Variants in PI4KB observed in about 807,000 individuals in gnomAD.
The protein encoded by PI4KB is PtdIns 4-kinase beta.
Under a neutral mutation model 81.4 loss-of-function variants are expected in PI4KB, and 23 were observed. That is an observed-to-expected ratio of 0.28 (90% confidence interval 0.20 to 0.40). The LOEUF is 0.40. Among genes scored for constraint, PI4KB ranks in the 10% least tolerant of loss-of-function variants. The pLI, the probability that PI4KB is intolerant of heterozygous loss-of-function variation, is 1.00. For synonymous variants in PI4KB, 381 were observed against 406.8 expected, an observed-to-expected ratio of 0.94 and a Z score of 0.76; for missense variants, 651 against 1,036.6, an observed-to-expected ratio of 0.63 and a Z score of 5.11.
At chr1:151,324,958 G>C (rs1649399850) in intron 1 of PI4KB, 5 of 911,194 alleles carry the variant, frequency 5.5e-6, no homozygotes, top group Non-Finnish European at 5.2e-6. Flanking sequence ...TATGATTTCT[G>C]GTTGGGGATG....
chr1:151,294,551 G>C lies in PI4KB; in HGVS notation c.2016-10C>G. The C allele has an allele frequency of 3.7e-6, 6 of 1,613,894 alleles. No homozygotes were observed. The highest frequency in any genetic ancestry group is 5.1e-6 in the Non-Finnish European group (6 of 1,179,866). ...GATATTCCCATTGTGTCTGAGGAGG[G>C]GGAATAGAGGAGAGGAAGAGGCAGT... On this transcript the variant is annotated splice_polypyrimidine_tract_variant and intron_variant, in intron 9 of 11. Coordinates refer to ENST00000368873, the MANE Select transcript of PI4KB (RefSeq NM_001369623.2).
intron 3 of PI4KB, among the ~76,000 whole-genome samples, chr1:151,308,354 C>T (rs587744517): frequency 6.6e-6 from 1 of 152,320 alleles, no homozygotes; most frequent in South Asian, 2.1e-4. Context: ...TCCATGGTAT[C>T]CCCCTGTCCG....
At chr1:151,327,417 G>T (rs994435207), upstream of PI4KB, 1 of 397,746 alleles carries the variant, frequency 2.5e-6, no homozygotes, top group Non-Finnish European at 4.4e-6. Context: ...GGCCCCGGCT[G>T]CGGGGCTGCC....
intron 4 of PI4KB, among the ~76,000 whole-genome samples, chr1:151,306,707 C>T (rs1695788241): frequency 6.6e-6 from 1 of 152,196 alleles, no homozygotes; most frequent in Non-Finnish European, 1.5e-5. Context: ...GCCCAGGGAG[C>T]TACAGTGGAC....
chr1:151,296,359 T>TA (rs375483956), intron 9 of PI4KB, among the ~76,000 whole-genome samples: 88 of 152,304 alleles, frequency 5.8e-4, no homozygotes, highest in Admixed American at 1.2e-3. Flanking sequence ...GCACAGGGTC[T>TA]AAAAGCTACC....
Position 151,310,268 on chromosome 1 carries a change from CAG to C in PI4KB, c.910-15_910-14del. On this transcript the variant is annotated splice_polypyrimidine_tract_variant and intron_variant, in intron 2 of 11. Coordinates refer to ENST00000368873, the MANE Select transcript of PI4KB (RefSeq NM_001369623.2). ...TGGAGGAGAGCTCCTGGGAAAGGGCCAGAGGGCAAAGGGAGAAGGAGGGGGTG... is the reference window on the plus strand; with the variant it reads ...TGGAGGAGAGCTCCTGGGAAAGGGCCAGGGCAAAGGGAGAAGGAGGGGGTG... 2 of 1,514,622 alleles carry C rather than the reference CAG, an allele frequency of 1.3e-6. No individual in the cohort carries two copies. The highest frequency in any genetic ancestry group is 9.0e-7 in the Non-Finnish European group (1 of 1,105,672). 93.8% of individuals were successfully genotyped at this position (1,514,622 alleles called of 1,614,324 possible).
intron 9 of PI4KB, among the ~76,000 whole-genome samples, chr1:151,295,909 A>G (rs1694750991): frequency 6.6e-6 from 1 of 152,118 alleles, no homozygotes; most frequent in African/African-American, 2.4e-5. Flanking sequence ...AAATCCTGAC[A>G]CTTTGAGATA....
intron 2 of PI4KB, among the ~76,000 whole-genome samples, chr1:151,314,129 T>G (rs1018846312): frequency 6.6e-6 from 1 of 152,224 alleles, no homozygotes; most frequent in Non-Finnish European, 1.5e-5. Context: ...CTCTATAGTC[T>G]CCCTCCCTCT....
chr1:151,298,033 A>G (rs1450845754), intron 9 of PI4KB, among the ~76,000 whole-genome samples: 1 of 152,162 alleles, frequency 6.6e-6, no homozygotes, highest in Admixed American at 6.6e-5. Context: ...TGGTGTAATT[A>G]TTTTTGTACA....
intron 8 of PI4KB, among the ~76,000 whole-genome samples, chr1:151,299,584 G>A (rs1473211643): frequency 6.6e-6 from 1 of 152,074 alleles, no homozygotes; most frequent in Non-Finnish European, 1.5e-5. Context: ...CAGTTACTCA[G>A]GAGGCTAAGG....
At chr1:151,310,369 T>C in intron 2 of PI4KB, 114 bp from the exon 3 acceptor site, 1 of 678,886 alleles carries the variant, frequency 1.5e-6, no homozygotes, top group East Asian at 2.8e-5. Context: ...CTAGTGAAGT[T>C]CTACCTTTCT....
In PI4KB at chr1:151,306,275, C is replaced by T. The variant is rs200350201; in HGVS notation, c.1271G>A (p.Arg424Gln). ...CAAGTTTTCTACGGACCTCGTACTC[C>T]GAATTCGGTTCTCGGGGATCCGGGC... The part of the protein sequence containing the change: ...VPARIPENRI[R>Q]STRSVENLPE... The change falls in exon 5 of 12, where the codon CGG becomes CAG. Residue 424 changes from arginine (R) to glutamine (Q), a missense_variant. Physicochemically the swap from Arg to Gln is conservative, Grantham distance 43. Transcript: ENST00000368873. 32 of 1,614,124 alleles carry T rather than the reference C, an allele frequency of 2.0e-5. No homozygotes were observed. Among genetic ancestry groups the T allele is most frequent in the Non-Finnish European group, 2.7e-5 (32 of 1,180,020 alleles).
At position 151,304,946 on chromosome 1, in the gene PI4KB, C is replaced by T. The variant is rs587636998; in HGVS notation, c.1410+1190G>A. 6.2e-4 allele frequency among the ~76,000 whole-genome samples: 94 copies of T among 152,060 alleles called. 1 individual carries two copies. The highest frequency in any genetic ancestry group is 6.0e-3 in the Admixed American group (91 of 15,272). On this transcript the variant is annotated intron_variant, in intron 5 of 11. Transcript: ENST00000368873. The stretch of plus-strand genomic sequence containing the variant: ...CTGGGTTCGAATAATTCTACTGCCT[C>T]AGCCTCCCGATTAGCTGGGATTACA...
At chr1:151,310,531 C>T (rs1156356911) in intron 2 of PI4KB, among the ~76,000 whole-genome samples, 1 of 152,188 alleles carries the variant, frequency 6.6e-6, no homozygotes, top group East Asian at 1.9e-4. Context: ...CTTCTATTCT[C>T]AACTGAATGG....
At chr1:151,323,192 T>C (rs1296289768) in intron 1 of PI4KB, among the ~76,000 whole-genome samples, 2 of 152,202 alleles carry the variant, frequency 1.3e-5, no homozygotes, top group Non-Finnish European at 2.9e-5. Flanking sequence ...TCCTTGTTTG[T>C]AACAATAAGT....
intron 1 of PI4KB, chr1:151,326,218 T>C (rs1649590175): frequency 6.3e-7 from 1 of 1,598,156 alleles, no homozygotes; most frequent in Non-Finnish European, 8.5e-7. Flanking sequence ...TCTTAGTGGC[T>C]GCTCCGGAGT....
chr1:151,303,478 CAA>C (rs1164371409), intron 6 of PI4KB, 61 bp downstream of exon 6: 3 of 973,962 alleles, frequency 3.1e-6, no homozygotes, highest in African/African-American at 3.2e-5. Context: ...AGGAAGGTAA[CAA>C]AGAGATGGGA....
At chr1:151,327,216 A>AGCGGGGGCCCCCCCCC in intron 1 of PI4KB, 55 bp downstream of exon 1, 1 of 103,988 alleles carries the variant, frequency 9.6e-6, no homozygotes, top group East Asian at 3.0e-4. Context: ...TGGGAGAGGG[A>AGCGGGGGCCCCCCCCC]CCCCCCCCCC....
intron 8 of PI4KB, 59 bp from the exon 9 acceptor site, chr1:151,299,132 C>T: frequency 1.4e-6 from 2 of 1,475,136 alleles, no homozygotes; most frequent in South Asian, 2.3e-5. Context: ...GAGAAGAAGG[C>T]TAAAACTCTT....
Sources: gnomAD v4.1 joint callset for allele counts (sites outside exome capture counted in the v4.1 genomes callset) on GRCh38, gnomAD v4.1.1 for gene constraint, MANE v1.5 for transcripts, NCBI Gene and HGNC (gene_info 2026-07-23, HGNC 2026-07-21) for gene names.